MAOB: variants seen among roughly 807,000 people sequenced by gnomAD.
MAOB encodes the protein monoamine oxidase B.
A neutral mutation model predicts 41.9 loss-of-function variants in MAOB; 15 were observed. The observed-to-expected ratio is 0.36, with a 90% CI of 0.24 to 0.55. MAOB has a LOEUF of 0.55. Among genes scored for constraint, MAOB ranks in the 20% least tolerant of loss-of-function variants. The probability of loss-of-function intolerance (pLI) is 0.86; values close to 1 mark genes in which losing one functional copy is unlikely to be tolerated. For missense variants in MAOB, 345 were observed against 398.7 expected (o/e 0.87, Z 1.15); for synonymous variants, 167 against 144.2 (o/e 1.16, Z -1.13).
intron 12 of MAOB, among the ~76,000 whole-genome samples, chrX:43,771,892 G>A (rs1469216375): frequency 9.0e-6 from 1 of 111,679 alleles, no homozygotes; most frequent in Non-Finnish European, 1.9e-5. Context: ...TCTTTTGCAG[G>A]TGCGTGAACA....
chrX:43,854,154 T>A (rs1411317682), intron 1 of MAOB, among the ~76,000 whole-genome samples: 1 of 111,814 alleles, frequency 8.9e-6, no homozygotes, highest in Non-Finnish European at 1.9e-5. Flanking sequence ...GAAGCACTAT[T>A]TCGAGTGACC....
intron 5 of MAOB, among the ~76,000 whole-genome samples, chrX:43,801,915 G>C (rs2034599159): frequency 8.9e-6 from 1 of 112,897 alleles, no homozygotes; most frequent in Non-Finnish European, 1.9e-5. Context: ...GATAAAGAAA[G>C]TGGTACCTTC....
intron 1 of MAOB, among the ~76,000 whole-genome samples, chrX:43,870,932 A>C (rs1323733099): frequency 9.0e-6 from 1 of 111,216 alleles, no homozygotes; most frequent in African/African-American, 3.3e-5. Context: ...GCTGAGCAAA[A>C]ATGCTGTTCA....
At chrX:43,837,906 T>A (rs1185153885) in intron 3 of MAOB, 7 of 328,937 alleles carry the variant, frequency 2.1e-5, no homozygotes, top group Non-Finnish European at 4.1e-5. Flanking sequence ...AGTGACTTTG[T>A]GGACCAAGAT....
chrX:43,821,721 T>C (rs1423664932), intron 3 of MAOB, among the ~76,000 whole-genome samples: 1 of 111,981 alleles, frequency 8.9e-6, no homozygotes, highest in Non-Finnish European at 1.9e-5. Flanking sequence ...GGACATGTGA[T>C]TATCTCAGTT....
At chrX:43,844,855 C>T (rs970531879) in intron 1 of MAOB, among the ~76,000 whole-genome samples, 1 of 111,792 alleles carries the variant, frequency 8.9e-6, no homozygotes, top group African/African-American at 3.3e-5. Context: ...GGTTCTGAGG[C>T]TTCCAGACTA....
chrX:43,785,198 A>G (rs996770083), intron 8 of MAOB, among the ~76,000 whole-genome samples: 1 of 113,142 alleles, frequency 8.8e-6, no homozygotes, highest in Non-Finnish European at 1.9e-5. Flanking sequence ...CACCTTTGTC[A>G]ATGTTCTTAC....
At chrX:43,874,057 A>G (rs1425743588) in intron 1 of MAOB, among the ~76,000 whole-genome samples, 1 of 112,044 alleles carries the variant, frequency 8.9e-6, no homozygotes, top group Non-Finnish European at 1.9e-5. Flanking sequence ...CATTTAGTAA[A>G]CTGGGTCACA....
rs1262393508 is a variant in MAOB, at chrX:43,802,160, G to A, written c.476+12C>T. The A allele has an allele frequency of 6.7e-6, 8 of 1,192,933 alleles. No individual in the cohort carries two copies. The highest frequency in any genetic ancestry group is 9.1e-6 in the Non-Finnish European group (8 of 880,621). ...GTCACAGTAAATGCCTGTGCCTAATGGCAAGACTTACTCAGTCCAGCAGAG... is the reference window on the plus strand; with the variant it reads ...GTCACAGTAAATGCCTGTGCCTAATAGCAAGACTTACTCAGTCCAGCAGAG... On this transcript the variant is annotated intron_variant, in intron 5 of 14. Coordinates refer to ENST00000378069, the MANE Select transcript of MAOB (RefSeq NM_000898.5).
intron 8 of MAOB, among the ~76,000 whole-genome samples, chrX:43,791,735 C>T (rs987758602): frequency 4.6e-5 from 5 of 108,958 alleles, no homozygotes; most frequent in Admixed American, 1.9e-4. Flanking sequence ...CCAGCCTGGG[C>T]GACAGAGCGA....
chrX:43,775,435 A>G (rs2034242952), intron 11 of MAOB, among the ~76,000 whole-genome samples, 163 bp from the exon 12 acceptor site: 1 of 111,812 alleles, frequency 8.9e-6, no homozygotes, highest in African/African-American at 3.3e-5. Flanking sequence ...GGGCAGGTAA[A>G]TGTCCTTGGT....
intron 3 of MAOB, among the ~76,000 whole-genome samples, chrX:43,837,512 T>A (rs2035085292): frequency 8.9e-6 from 1 of 112,319 alleles, no homozygotes. Flanking sequence ...TAAAATAAAA[T>A]TTGAAGGTCA....
intron 3 of MAOB, among the ~76,000 whole-genome samples, chrX:43,823,096 G>A (rs1472569195): frequency 1.8e-5 from 2 of 108,717 alleles, no homozygotes; most frequent in East Asian, 5.7e-4. Context: ...AGTAAATAGC[G>A]AGTTCAGAAT....
At chrX:43,833,426 A>G (rs1238241088) in intron 3 of MAOB, among the ~76,000 whole-genome samples, 3 of 111,136 alleles carry the variant, frequency 2.7e-5, no homozygotes, top group Non-Finnish European at 3.8e-5. Flanking sequence ...ATTTCAGGCC[A>G]TCTTGCACTT....
intron 2 of MAOB, among the ~76,000 whole-genome samples, chrX:43,842,003 T>C (rs761375483): frequency 9.0e-6 from 1 of 111,689 alleles, no homozygotes; most frequent in African/African-American, 3.2e-5. Context: ...TCCATGACAC[T>C]AGTCAGGGAA....
chrX:43,798,063 T>G (rs1025520067), intron 5 of MAOB, among the ~76,000 whole-genome samples: 1 of 112,101 alleles, frequency 8.9e-6, no homozygotes, highest in African/African-American at 3.2e-5. Flanking sequence ...AAACGACCAC[T>G]GGCTTCCATA....
intron 1 of MAOB, among the ~76,000 whole-genome samples, chrX:43,875,400 G>A (rs2035433323): frequency 1.8e-5 from 2 of 111,916 alleles, no homozygotes; most frequent in Non-Finnish European, 3.8e-5. Flanking sequence ...TTAAACCAAA[G>A]TATTTTTTAG....
chrX:43,870,980 G>A (rs145529412), intron 1 of MAOB, among the ~76,000 whole-genome samples: 3 of 110,964 alleles, frequency 2.7e-5, no homozygotes, highest in African/African-American at 9.8e-5. Flanking sequence ...CTGGTAAGCA[G>A]CCTCTGAGAT....
At chrX:43,822,611 C>A (rs1215362013) in intron 3 of MAOB, among the ~76,000 whole-genome samples, 1 of 111,901 alleles carries the variant, frequency 8.9e-6, no homozygotes, top group Non-Finnish European at 1.9e-5. Flanking sequence ...TCAAACTTTA[C>A]CAACTGGACT....
Sources: allele counts gnomAD v4.1 joint callset (sites outside exome capture counted in the v4.1 genomes callset), GRCh38; gene constraint gnomAD v4.1.1; transcripts MANE v1.5; gene names NCBI Gene and HGNC (gene_info 2026-07-23, HGNC 2026-07-21).